The following LARGE1 variants were observed in gnomAD, a reference collection of about 807,000 sequenced individuals.
LARGE1 encodes LARGE xylosyl- and glucuronyltransferase 1, also known as xylosyl- and glucuronyltransferase LARGE1.
LARGE1 carries 43 observed loss-of-function variants against 87.6 expected under a neutral mutation model. The observed-to-expected ratio is 0.49, with a 90% confidence interval of 0.38 to 0.63. The LOEUF is 0.63. Ranked by LOEUF, LARGE1 falls within the 30% of genes least tolerant of loss-of-function variation. The probability of loss-of-function intolerance (pLI) is 0.00; values close to 1 mark genes in which losing one functional copy is unlikely to be tolerated. For missense variants in LARGE1, 802 were observed against 1,000.2 expected, an observed-to-expected ratio of 0.80 and a Z score of 2.67; for synonymous variants, 434 against 394.6, an observed-to-expected ratio of 1.10 and a Z score of -1.18.
At chr22:33,758,675 G>A (rs1194146896) in intron 2 of LARGE1, among the ~76,000 whole-genome samples, 1 of 152,122 alleles carries the variant, frequency 6.6e-6, no homozygotes, top group Non-Finnish European at 1.5e-5. Flanking sequence ...CACTCCACCG[G>A]CCACGATGGT....
At chr22:33,126,379 T>G in the LARGE1 span, among the ~76,000 whole-genome samples, 11 of 152,362 alleles carry the variant, frequency 7.2e-5, no homozygotes, top group East Asian at 3.9e-4. Flanking sequence ...TGTTTTGGAC[T>G]AAATGGCCAC....
intron 6 of LARGE1, among the ~76,000 whole-genome samples, chr22:33,480,221 G>A (rs906576457): frequency 1.3e-5 from 2 of 152,164 alleles, no homozygotes; most frequent in Admixed American, 6.5e-5. Context: ...CTCGGAGCAG[G>A]GCTGCGCCAT....
At chr22:33,171,148 G>A (rs1922550272) in intron 11 of LARGE1, among the ~76,000 whole-genome samples, 1 of 152,086 alleles carries the variant, frequency 6.6e-6, no homozygotes. Context: ...ATAATTTAGG[G>A]TGTCTGGTAG....
At chr22:33,335,624 C>A (rs1938349994) in intron 10 of LARGE1, among the ~76,000 whole-genome samples, 1 of 152,200 alleles carries the variant, frequency 6.6e-6, no homozygotes, top group African/African-American at 2.4e-5. Context: ...CAACATACAA[C>A]CTCCTACCAA....
At chr22:33,568,622 C>T (rs1602481510) in intron 5 of LARGE1, among the ~76,000 whole-genome samples, 1 of 151,906 alleles carries the variant, frequency 6.6e-6, no homozygotes, top group South Asian at 2.1e-4. Context: ...CAAAATTAGC[C>T]GGGTGTGGTG....
At chr22:33,541,200 A>G (rs9607054) in intron 6 of LARGE1, among the ~76,000 whole-genome samples, 1 of 46,402 alleles carries the variant, frequency 2.2e-5, no homozygotes, top group Non-Finnish European at 4.0e-5. Flanking sequence ...GGGGAAAAAA[A>G]GAAAAAAAAA....
intron 6 of LARGE1, among the ~76,000 whole-genome samples, chr22:33,518,781 G>A (rs1039200995): frequency 2.6e-4 from 40 of 152,182 alleles, no homozygotes; most frequent in Non-Finnish European, 5.4e-4. Context: ...ACCCCCTGAG[G>A]GGACTGGAGT....
chr22:33,504,059 T>C (rs1212366811), intron 6 of LARGE1, among the ~76,000 whole-genome samples: 1 of 152,138 alleles, frequency 6.6e-6, no homozygotes, highest in Non-Finnish European at 1.5e-5. Context: ...TTACAGGAAG[T>C]GCTTACAATG....
intron 6 of LARGE1, among the ~76,000 whole-genome samples, chr22:33,523,801 G>A (rs997558806): frequency 6.6e-6 from 1 of 152,042 alleles, no homozygotes; most frequent in African/African-American, 2.4e-5. Flanking sequence ...GAGGTTCTGT[G>A]TATCCATCAC....
intron 11 of LARGE1, among the ~76,000 whole-genome samples, chr22:33,196,746 G>A (rs980178464): frequency 2.6e-5 from 4 of 151,912 alleles, no homozygotes; most frequent in Admixed American, 2.6e-4. Context: ...GAAGAATAAG[G>A]AGGAGGAATA....
intron 2 of LARGE1, among the ~76,000 whole-genome samples, chr22:33,716,521 T>A (rs2082911714): frequency 6.6e-6 from 1 of 152,158 alleles, no homozygotes; most frequent in Admixed American, 6.5e-5. Flanking sequence ...TTCTACCTCC[T>A]GAGTAGCTGG....
At chr22:33,469,192 A>C (rs2068731884) in intron 6 of LARGE1, among the ~76,000 whole-genome samples, 1 of 152,224 alleles carries the variant, frequency 6.6e-6, no homozygotes, top group Non-Finnish European at 1.5e-5. Context: ...TATATACCCA[A>C]AGGAGTAGAA....
intron 11 of LARGE1, among the ~76,000 whole-genome samples, chr22:33,211,695 C>T (rs1924970937): frequency 6.6e-6 from 1 of 152,156 alleles, no homozygotes; most frequent in Non-Finnish European, 1.5e-5. Context: ...ATTGCTTGAA[C>T]CCCAGAGACG....
rs556088440 is a variant in LARGE1, at chr22:33,328,742, CTTACTA to C, written c.1287+8898_1287+8903del. ...AACCTGGATATATGTAATAATGTAA[CTTACTA>C]TTACATTAATATGACATACATAGCT... On this transcript the variant is annotated intron_variant, in intron 10 of 14. Coordinates refer to ENST00000397394, the MANE Select transcript of LARGE1 (RefSeq NM_133642.5). Among the ~76,000 whole-genome samples, 358 of 152,070 alleles carry C rather than the reference CTTACTA, an allele frequency of 2.4e-3. 4 individuals are homozygous for C. The Middle Eastern group carries it at 0.027, about 12-fold the overall frequency.
chr22:33,135,352 A>G, the LARGE1 span, among the ~76,000 whole-genome samples: 1 of 152,226 alleles, frequency 6.6e-6, no homozygotes, highest in East Asian at 1.9e-4. Flanking sequence ...TCAAGAGGCT[A>G]TCGGTTTGGT....
chr22:33,696,510 G>T (rs1019421202), intron 2 of LARGE1, among the ~76,000 whole-genome samples: 1 of 151,872 alleles, frequency 6.6e-6, no homozygotes, highest in African/African-American at 2.4e-5. Context: ...CAATCCGCCC[G>T]CCTTGGCCTC....
At chr22:33,716,728 T>C (rs910484990) in intron 2 of LARGE1, among the ~76,000 whole-genome samples, 3 of 152,200 alleles carry the variant, frequency 2.0e-5, no homozygotes, top group African/African-American at 7.2e-5. Context: ...GAGCCTCTAT[T>C]ATGTGTCACT....
chr22:33,148,514 A>G, the LARGE1 span, among the ~76,000 whole-genome samples: 1 of 152,246 alleles, frequency 6.6e-6, no homozygotes, highest in Non-Finnish European at 1.5e-5. Context: ...TTGGGGCTAT[A>G]ACAAATAAAA....
chr22:33,414,872 C>G (rs2066432785), intron 7 of LARGE1, among the ~76,000 whole-genome samples: 1 of 152,200 alleles, frequency 6.6e-6, no homozygotes, highest in Non-Finnish European at 1.5e-5. Context: ...AAGGTGTCAT[C>G]TATGAATCAG....
Sources: gnomAD v4.1 joint callset for allele counts (sites outside exome capture counted in the v4.1 genomes callset) on GRCh38, gnomAD v4.1.1 for gene constraint, MANE v1.5 for transcripts, NCBI Gene and HGNC (gene_info 2026-07-23, HGNC 2026-07-21) for gene names.